Variants in PSG4 observed in about 807,000 individuals in gnomAD.
The protein encoded by PSG4 is pregnancy specific beta-1-glycoprotein 4.
PSG4 carries 61 observed loss-of-function variants against 44.3 expected under a neutral mutation model. The observed-to-expected ratio is 1.38, with a 90% CI of 1.12 to 1.70. The LOEUF (loss-of-function observed/expected upper bound fraction) is 1.70. Ranked by LOEUF, PSG4 falls within the 40% of genes most tolerant of loss-of-function variation. The probability of loss-of-function intolerance (pLI) is 0.00; values close to 1 mark genes in which losing one functional copy is unlikely to be tolerated. For synonymous variants in PSG4, 248 were observed against 191.3 expected (o/e 1.30, Z -2.45); for missense variants, 677 against 511.7 (o/e 1.32, Z -3.12).
rs150491996 is a variant in PSG4, at chr19:43,203,589, G to A, written c.430+297C>T. On this transcript the variant is annotated intron_variant, in intron 2 of 5. Coordinates refer to ENST00000405312, the MANE Select transcript of PSG4 (RefSeq NM_002780.5). ...TCAGTTCTCCAGGGTCTTTGTCAGCGTCAAATTTATGAAGAGGGCATGAGG... is the reference window on the plus strand; with the variant it reads ...TCAGTTCTCCAGGGTCTTTGTCAGCATCAAATTTATGAAGAGGGCATGAGG... The A allele has an allele frequency of 4.5e-3, 1,828 of 408,790 alleles. 301 individuals carry two copies. The highest frequency in any genetic ancestry group is 0.038 in the African/African-American group (1,684 of 44,612). 25.3% of individuals were successfully genotyped at this position (408,790 alleles called of 1,614,324 possible).
In PSG4 at chr19:43,204,073, T is replaced by C. The variant is rs1414783451; in HGVS notation, c.243A>G (p.Ser81=). The C allele has an allele frequency of 1.3e-6, 2 of 1,585,632 alleles. No individual in the cohort carries two copies. The highest frequency in any genetic ancestry group is 1.7e-6 in the Non-Finnish European group (2 of 1,170,070). Residue 81 remains serine, a synonymous_variant, in exon 2 of 6, where the codon TCA becomes TCG. Coordinates refer to ENST00000405312, the MANE Select transcript of PSG4 (RefSeq NM_002780.5). ...QMTYLYHYIT[S]YVVDGQRIIY... ...TAATTCTTTGACCGTCTACTACATATGATGTAATGTAATGGTAGAGGTATG... is the reference window on the plus strand; with the variant it reads ...TAATTCTTTGACCGTCTACTACATACGATGTAATGTAATGGTAGAGGTATG...
intron 2 of PSG4, 40 bp downstream of exon 2, chr19:43,203,846 C>G (rs1252917890): frequency 6.4e-7 from 1 of 1,567,748 alleles, no homozygotes; most frequent in African/African-American, 1.5e-5. Context: ...AGAAGTGACC[C>G]CTGTCCCCCA....
At position 43,203,856 on chromosome 19, in the gene PSG4, A is replaced by G; in HGVS notation, c.430+30T>C. On this transcript the variant is annotated intron_variant, in intron 2 of 5. Coordinates refer to ENST00000405312, the MANE Select transcript of PSG4 (RefSeq NM_002780.5). ...GAAGTAGAAGTGACCCCTGTCCCCC[A>G]ACACCCAGGGATCATGTGGAATCAC... is the stretch of plus-strand genomic sequence containing the variant. 5 of 1,569,976 alleles carry G rather than the reference A, an allele frequency of 3.2e-6. 1 individual carries two copies. The highest frequency in any genetic ancestry group is 4.3e-6 in the Non-Finnish European group (5 of 1,163,510).
rs369128107 is a variant in PSG4 at position 43,204,076 on chromosome 19, T to A, written c.240A>T (p.Thr80=). The change falls in exon 2 of 6, where the codon ACA becomes ACT. Residue 80 remains threonine (T), a synonymous_variant. Transcript: ENST00000405312. ...GQMTYLYHYI[T]SYVVDGQRII... ...TTCTTTGACCGTCTACTACATATGA[T>A]GTAATGTAATGGTAGAGGTATGTCA... 5.7e-6 allele frequency: 9 copies of A among 1,586,030 alleles called. 1 individual carries two copies. In the African/African-American group the frequency reaches 8.6e-5, roughly 15 times the overall value.
intron 5 of PSG4, 105 bp downstream of exon 5, chr19:43,194,235 C>A: frequency 1.3e-6 from 2 of 1,596,280 alleles, no homozygotes; most frequent in Non-Finnish European, 8.5e-7. Flanking sequence ...TTGCTTGTGC[C>A]CATGGGACAC....
At chr19:43,195,516 T>C (rs1967205007) in intron 3 of PSG4, among the ~76,000 whole-genome samples, 1 of 151,324 alleles carries the variant, frequency 6.6e-6, no homozygotes, top group Non-Finnish European at 1.5e-5. Flanking sequence ...CAGTGTTGGG[T>C]CATGGACAGA....
rs147194995 is a variant in PSG4 at position 43,197,351 on chromosome 19, T to C, written c.709+646A>G. ...CCAGGGATCCACTTACCAGGCACTA[T>C]GATCCTCTTGATTATGAGATTTGTT... On this transcript the variant is annotated intron_variant, in intron 3 of 5. Coordinates refer to ENST00000405312, the MANE Select transcript of PSG4 (RefSeq NM_002780.5). 4.0e-3 allele frequency among the ~76,000 whole-genome samples: 590 copies of C among 145,866 alleles called. 53 individuals carry two copies. The highest frequency in any genetic ancestry group is 6.0e-3 in the Non-Finnish European group (404 of 67,192).
In PSG4 at chr19:43,205,544, G is replaced by C. The variant is rs1431846435; in HGVS notation, c.-8C>G. ...GGCTGAGAGGGGCCCCATGGTCTCT[G>C]CTGCTTGTGTGTTCTCCTCTGTGGA... is the stretch of plus-strand genomic sequence containing the variant. On this transcript the variant is annotated 5_prime_UTR_variant, in exon 1 of 6. Transcript: ENST00000405312. The C allele has an allele frequency of 1.3e-6, 2 of 1,547,534 alleles. No homozygotes were observed. The highest frequency in any genetic ancestry group is 1.7e-6 in the Non-Finnish European group (2 of 1,146,450).
chr19:43,197,782 C>A (rs1599771350), intron 3 of PSG4: 2 of 1,002,526 alleles, frequency 2.0e-6, no homozygotes, highest in Non-Finnish European at 1.4e-6. Context: ...AGCTGTGGAA[C>A]CTGAGTCTCC....
intron 2 of PSG4, among the ~76,000 whole-genome samples, chr19:43,199,547 A>G (rs1267029253): frequency 2.7e-5 from 4 of 145,700 alleles, no homozygotes; most frequent in Admixed American, 6.8e-5. Flanking sequence ...AAAATCCACA[A>G]TGCGCCAGTG....
chr19:43,197,417 C>T lies in PSG4; in HGVS notation c.709+580G>A, dbSNP rs1219181122. 5.5e-5 allele frequency among the ~76,000 whole-genome samples: 8 copies of T among 145,474 alleles called. 1 individual carries two copies. Among genetic ancestry groups the T allele is most frequent in the African/African-American group, 1.6e-4 (6 of 37,938 alleles). On this transcript the variant is annotated intron_variant, in intron 3 of 5. Coordinates refer to ENST00000405312, the MANE Select transcript of PSG4 (RefSeq NM_002780.5). ...TTATGGATGAAACAGACCTAAACCC[C>T]TCTATATGTTTTAGTGATTTGGGGG...
rs373825583 is a variant in PSG4 at position 43,204,163 on chromosome 19, A to T, written c.153T>A (p.Val51=). The T allele has an allele frequency of 2.5e-6, 4 of 1,587,098 alleles. No individual in the cohort carries two copies. Among genetic ancestry groups the T allele is most frequent in the Non-Finnish European group, 3.4e-6 (4 of 1,171,586 alleles). The part of the protein sequence containing the change: ...QPPKVSEGKD[V]LLLVHNLPQN... ...GGGGCAAATTGTGGACAAGTAGAAG[A>T]ACATCCTTCCCCTCAGAAACTTTGG... Residue 51 remains valine, a synonymous_variant, in exon 2 of 6, where the codon GTT becomes GTA. Coordinates refer to ENST00000405312, the MANE Select transcript of PSG4 (RefSeq NM_002780.5).
intron 1 of PSG4, among the ~76,000 whole-genome samples, chr19:43,205,246 T>C (rs1382768713): frequency 7.0e-6 from 1 of 142,656 alleles, no homozygotes; most frequent in Non-Finnish European, 1.5e-5. Flanking sequence ...TAGCTATGAT[T>C]ACAGGAGCAC....
chr19:43,203,778 T>A lies in PSG4; in HGVS notation c.430+108A>T, dbSNP rs372309256. 34 of 1,512,036 alleles carry A rather than the reference T, an allele frequency of 2.2e-5. 5 individuals are homozygous for A. In the South Asian group the frequency reaches 2.4e-4, roughly 11 times the overall value. The allele number at this position is 1,512,036 out of a possible 1,614,324, so 93.7% of individuals were successfully genotyped here. ...AAATGCCCAAACCCCAGCATGGGAC[T>A]TAATGCAGAGAGGGACACAGGCAGA... On this transcript the variant is annotated intron_variant, in intron 2 of 5. Transcript: ENST00000405312.
intron 2 of PSG4, among the ~76,000 whole-genome samples, chr19:43,202,260 G>T (rs1378681797): frequency 1.4e-5 from 2 of 144,872 alleles, no homozygotes; most frequent in South Asian, 2.2e-4. Flanking sequence ...AGCAGTGAGG[G>T]TTACACTGAC....
At chr19:43,193,682 C>T in intron 5 of PSG4, 1 of 549,382 alleles carries the variant, frequency 1.8e-6, no homozygotes. Context: ...TTACAAAACC[C>T]TTGAGAATAG....
Position 43,192,992 on chromosome 19 carries a change from G to A in PSG4, c.*380C>T, listed in dbSNP as rs1967080389. ...GTTGAGATGACATATCTGACACTCT[G>A]TTGTTACCCTCAGAAGCTACTACAT... On this transcript the variant is annotated 3_prime_UTR_variant, in exon 6 of 6. Transcript: ENST00000405312. 3.8e-6 allele frequency: 2 copies of A among 529,226 alleles called. No homozygotes were observed. The highest frequency in any genetic ancestry group is 5.3e-5 in the South Asian group (2 of 37,692). 32.8% of individuals were successfully genotyped at this position (529,226 alleles called of 1,614,324 possible). A position where few individuals can be genotyped will look rare whatever the true frequency, so the allele number is the denominator to read the frequency against.
Position 43,193,836 on chromosome 19 carries a change from T to C in PSG4, c.1244-448A>G, listed in dbSNP as rs923586008. Reference sequence around the variant, plus strand: ...TGTGTCCTGTTACAAAGAGAGCAGATTGTTACTGTACTTGTGCAAATATGT... The same window carrying C: ...TGTGTCCTGTTACAAAGAGAGCAGACTGTTACTGTACTTGTGCAAATATGT... On this transcript the variant is annotated intron_variant, in intron 5 of 5. Coordinates refer to ENST00000405312, the MANE Select transcript of PSG4 (RefSeq NM_002780.5). 1.4e-5 allele frequency: 8 copies of C among 584,410 alleles called. No individual in the cohort carries two copies. In the East Asian group the frequency reaches 1.8e-4, roughly 13 times the overall value. 36.2% of individuals were successfully genotyped at this position (584,410 alleles called of 1,614,324 possible).
Position 43,205,513 on chromosome 19 carries a change from G to A in PSG4, c.24C>T (p.Pro8=), listed in dbSNP as rs753084782. Residue 8 remains proline, a synonymous_variant, in exon 1 of 6, where the codon CCC becomes CCT. Coordinates refer to ENST00000405312, the MANE Select transcript of PSG4 (RefSeq NM_002780.5). ...CCTTCCAGGTGATGCGCTGTGTGCA[G>A]GGAGGGGCTGAGAGGGGCCCCATGG... MGPLSAP[P]CTQRITWKGV... is the part of the protein sequence containing the mutation. 4 of 1,555,866 alleles carry A rather than the reference G, an allele frequency of 2.6e-6. No homozygotes were observed. Among genetic ancestry groups the A allele is most frequent in the Non-Finnish European group, 3.5e-6 (4 of 1,150,214 alleles).
Sources: gnomAD v4.1 joint callset for allele counts (sites outside exome capture counted in the v4.1 genomes callset) on GRCh38, gnomAD v4.1.1 for gene constraint, MANE v1.5 for transcripts, NCBI Gene and HGNC (gene_info 2026-07-23, HGNC 2026-07-21) for gene names.